AMD1: variants seen among roughly 807,000 people sequenced by gnomAD.
AMD1 encodes adenosylmethionine decarboxylase 1.
In AMD1, 11 loss-of-function variants were observed where a neutral mutation model predicts 40.2. The ratio of observed to expected loss-of-function variants is 0.27; its 90% CI spans 0.17 to 0.45. The LOEUF (loss-of-function observed/expected upper bound fraction) is 0.45. Among genes scored for constraint, AMD1 ranks in the 20% least tolerant of loss-of-function variants. The pLI is 1.00. For missense variants in AMD1, 257 were observed against 410.2 expected, an observed-to-expected ratio of 0.63 and a Z score of 3.23; for synonymous variants, 121 against 130.8, an observed-to-expected ratio of 0.93 and a Z score of 0.51.
Position 110,875,336 on chromosome 6 carries a change from G to C in AMD1, c.110+121G>C. 3.7e-6 allele frequency: 3 copies of C among 821,166 alleles called. No homozygotes were observed. In the Admixed American group the frequency reaches 6.9e-5, roughly 19 times the overall value. The allele number at this position is 821,166 out of a possible 1,614,324, so 50.9% of individuals were successfully genotyped here. On this transcript the variant is annotated intron_variant, in intron 1 of 8. Coordinates refer to ENST00000368885, the MANE Select transcript of AMD1 (RefSeq NM_001634.6). ...CAGTTGGGGGCAAGTCTGCGGCCTG[G>C]GGTCGCTTCGGCGGCCTTGGAAGGT...
the AMD1 span, chr6:110,814,748 G>A: frequency 1.6e-6 from 1 of 638,018 alleles, no homozygotes; most frequent in East Asian, 3.2e-5. Flanking sequence ...CCGTCTCCGA[G>A]CACTCGGAGG....
chr6:110,877,142 G>A (rs560795675), intron 1 of AMD1, among the ~76,000 whole-genome samples: 1 of 152,296 alleles, frequency 6.6e-6, no homozygotes, highest in African/African-American at 2.4e-5. Context: ...GTTAAACTTT[G>A]AAGGACAAAA....
chr6:110,836,952 G>A, the AMD1 span, among the ~76,000 whole-genome samples: 3 of 151,846 alleles, frequency 2.0e-5, no homozygotes, highest in African/African-American at 7.3e-5. Flanking sequence ...TCAAGAGTTC[G>A]AGACCAACCT....
the AMD1 span, among the ~76,000 whole-genome samples, chr6:110,859,816 C>G: frequency 2.6e-5 from 4 of 152,086 alleles, no homozygotes; most frequent in Non-Finnish European, 4.4e-5. Context: ...CTAACCACCC[C>G]CTCCACTGTG....
chr6:110,875,943 G>A (rs1484794200), intron 1 of AMD1, among the ~76,000 whole-genome samples: 1 of 152,182 alleles, frequency 6.6e-6, no homozygotes, highest in East Asian at 1.9e-4. Context: ...CGGCCGCTGA[G>A]GCCGCTGGGG....
Position 110,892,333 on chromosome 6 carries a change from G to T in AMD1, c.505G>T (p.Val169Leu), listed in dbSNP as rs755089606. 2 of 1,613,586 alleles carry T rather than the reference G, an allele frequency of 1.2e-6. No homozygotes were observed. The highest frequency in any genetic ancestry group is 2.2e-5 in the South Asian group (2 of 91,054). ...LYTLDFPESR[V>L]ISQPDQTLEI... is the part of the protein sequence containing the mutation. ...TACTCTGGATTTCCCAGAGAGTCGG[G>T]TAATCAGTCAGCCAGATCAAACCTT... Residue 169 changes from valine to leucine, a missense_variant, in exon 6 of 9, where the codon GTA (valine) becomes TTA (leucine). Val to Leu is a conservative substitution (Grantham distance 32). Around this residue, in one of 3 missense-constraint regions of AMD1, gnomAD observed 192 missense variants for 296.5 expected, o/e 0.65. Transcript: ENST00000368885.
chr6:110,853,344 G>C, the AMD1 span, among the ~76,000 whole-genome samples: 4 of 150,048 alleles, frequency 2.7e-5, no homozygotes, highest in South Asian at 4.2e-4. Context: ...ATCTCGGTCT[G>C]TTGCCCAGGC....
the AMD1 span, among the ~76,000 whole-genome samples, chr6:110,836,084 A>G: frequency 6.6e-6 from 1 of 151,920 alleles, no homozygotes; most frequent in Non-Finnish European, 1.5e-5. Flanking sequence ...AAATTGAACA[A>G]TGTTATATAT....
the AMD1 span, among the ~76,000 whole-genome samples, chr6:110,831,210 C>T: frequency 8.6e-5 from 13 of 151,902 alleles, no homozygotes; most frequent in South Asian, 2.1e-4. Flanking sequence ...GAGGCCAAGG[C>T]GGGCAGATCA....
At chr6:110,826,877 C>T in the AMD1 span, among the ~76,000 whole-genome samples, 2 of 151,650 alleles carry the variant, frequency 1.3e-5, no homozygotes, top group African/African-American at 4.8e-5. Context: ...TTCTTAGTAG[C>T]GACAGGGTTT....
At chr6:110,822,927 C>T in the AMD1 span, among the ~76,000 whole-genome samples, 3 of 152,072 alleles carry the variant, frequency 2.0e-5, no homozygotes, top group Non-Finnish European at 4.4e-5. Context: ...ACCGGCCTGA[C>T]CAATATGGAG....
the AMD1 span, among the ~76,000 whole-genome samples, chr6:110,867,171 ACTCTCTCG>A: frequency 6.9e-6 from 1 of 145,814 alleles, no homozygotes; most frequent in Non-Finnish European, 1.5e-5. Context: ...TTTTTTAGAG[ACTCTCTCG>A]CTCTCTTGCC....
the AMD1 span, among the ~76,000 whole-genome samples, chr6:110,860,999 G>A: frequency 4.6e-5 from 7 of 151,980 alleles, no homozygotes; most frequent in African/African-American, 1.7e-4. Context: ...GTCAAGGCGG[G>A]TGGATCACTT....
At chr6:110,858,833 C>T in the AMD1 span, 14 of 776,904 alleles carry the variant, frequency 1.8e-5, no homozygotes, top group Admixed American at 6.9e-5. Flanking sequence ...CCACATCCTG[C>T]CCCCCATGGA....
chr6:110,823,686 A>C, the AMD1 span, among the ~76,000 whole-genome samples: 3 of 152,328 alleles, frequency 2.0e-5, no homozygotes, highest in African/African-American at 7.2e-5. Flanking sequence ...GTTTTAGAAA[A>C]GAACTCAATG....
chr6:110,829,960 TA>T, the AMD1 span, among the ~76,000 whole-genome samples: 2 of 152,180 alleles, frequency 1.3e-5, no homozygotes, highest in African/African-American at 4.8e-5. Context: ...AACCTCACTT[TA>T]AGTGTCCTAT....
At chr6:110,841,267 AT>A in the AMD1 span, among the ~76,000 whole-genome samples, 1 of 152,226 alleles carries the variant, frequency 6.6e-6, no homozygotes, top group Non-Finnish European at 1.5e-5. Flanking sequence ...TAAATAATAA[AT>A]CTTAAGTGTT....
At chr6:110,828,315 C>T in the AMD1 span, among the ~76,000 whole-genome samples, 3,153 of 152,062 alleles carry the variant, frequency 0.021, 92 homozygotes, top group African/African-American at 0.073. Context: ...ACCTGTAATT[C>T]CACCTACTCG....
At chr6:110,846,046 C>A in the AMD1 span, among the ~76,000 whole-genome samples, 4 of 152,144 alleles carry the variant, frequency 2.6e-5, no homozygotes, top group Non-Finnish European at 5.9e-5. Flanking sequence ...TCGAGACCAG[C>A]CTGGCCAACA....
Sources: gnomAD v4.1 joint callset for allele counts (sites outside exome capture counted in the v4.1 genomes callset) on GRCh38, gnomAD v4.1.1 for gene constraint, gnomAD v4.1.1 regional missense constraint, MANE v1.5 for transcripts, NCBI Gene and HGNC (gene_info 2026-07-23, HGNC 2026-07-21) for gene names.